The following TMEM233 variants were observed in gnomAD, a reference collection of about 807,000 sequenced individuals.
The protein encoded by TMEM233 is dispanin subfamily B member 2.
In TMEM233, 6 loss-of-function variants were observed where a neutral mutation model predicts 11.2. That is an observed-to-expected ratio of 0.54 (90% confidence interval 0.29 to 1.06). The LOEUF (loss-of-function observed/expected upper bound fraction) is 1.06, where lower values mean the gene tolerates loss of function less well. TMEM233 is among the 50% of genes least tolerant of loss of function. The pLI, the probability that TMEM233 is intolerant of heterozygous loss-of-function variation, is 0.08. For missense variants in TMEM233, 127 were observed against 144.7 expected (o/e 0.88, Z 0.63); for synonymous variants, 59 against 55.8 (o/e 1.06, Z -0.26).
rs1032889199 is a variant in TMEM233, at chr12:119,593,858, T to C, written c.10T>C (p.Tyr4His). Residue 4 changes from tyrosine (Y) to histidine (H), a missense_variant, in exon 1 of 3, where the codon TAC (tyrosine) becomes CAC (histidine). Tyr to His is a moderately conservative substitution (Grantham distance 83). Coordinates refer to ENST00000426426, the MANE Select transcript of TMEM233 (RefSeq NM_001136534.3). The surrounding 1 kb of genome is among the most constrained non-coding windows in gnomAD (Gnocchi z 4.1). MSQ[Y>H]APSPDFKRAL... ...GCCGCCGGCCTCGCCCATGTCTCAGTACGCCCCTAGCCCGGACTTCAAGAG... is the reference window on the plus strand; with the variant it reads ...GCCGCCGGCCTCGCCCATGTCTCAGCACGCCCCTAGCCCGGACTTCAAGAG... 97 of 1,551,402 alleles carry C rather than the reference T, an allele frequency of 6.3e-5. No homozygotes were observed. The highest frequency in any genetic ancestry group is 1.7e-4 in the Middle Eastern group (1 of 6,010).
intron 2 of TMEM233, among the ~76,000 whole-genome samples, chr12:119,632,390 C>T (rs938652742): frequency 2.6e-5 from 4 of 152,146 alleles, no homozygotes; most frequent in East Asian, 1.9e-4. Flanking sequence ...TCTGCACTGC[C>T]GCTAAGTCAA....
rs1954010329 is a variant in TMEM233 at position 119,595,070 on chromosome 12, T to G, written c.186+1036T>G. The stretch of plus-strand genomic sequence containing the variant: ...GGCCGCTGGGGCCTCTAGTCCGCCC[T>G]TCCGGAGCTCAGCTCCCTAGCCCTC... On this transcript the variant is annotated intron_variant, in intron 1 of 2. Transcript: ENST00000426426. The surrounding 1 kb of genome is among the most constrained non-coding windows in gnomAD (Gnocchi z 4.3). 6.6e-6 allele frequency among the ~76,000 whole-genome samples: 1 copy of G among 152,206 alleles called. No homozygotes were observed. The highest frequency in any genetic ancestry group is 2.4e-5 in the African/African-American group (1 of 41,468).
At chr12:119,643,231 C>T (rs1955109842), downstream of TMEM233, among the ~76,000 whole-genome samples, 1 of 151,898 alleles carries the variant, frequency 6.6e-6, no homozygotes, top group Non-Finnish European at 1.5e-5. Context: ...TAATTTATGG[C>T]CAGAAATGTC....
At chr12:119,610,280 T>G (rs1442329118) in intron 1 of TMEM233, among the ~76,000 whole-genome samples, 1 of 152,234 alleles carries the variant, frequency 6.6e-6, no homozygotes, top group Non-Finnish European at 1.5e-5. Context: ...GTGACTTACT[T>G]GCTTTTGATT....
At chr12:119,628,492 C>CTTTTTTTTTTTTTTT (rs60789807) in intron 1 of TMEM233, among the ~76,000 whole-genome samples, 1 of 52,412 alleles carries the variant, frequency 1.9e-5, no homozygotes, top group African/African-American at 8.5e-5. Context: ...CCAGCTCACT[C>CTTTTTTTTTTTTTTT]TTTTTTTTTT....
At chr12:119,630,332 A>G (rs906668445) in intron 2 of TMEM233, among the ~76,000 whole-genome samples, 2 of 152,220 alleles carry the variant, frequency 1.3e-5, no homozygotes, top group Non-Finnish European at 2.9e-5. Context: ...TCTCTCCTCC[A>G]CACAGTCATG....
Position 119,641,517 on chromosome 12 carries a change from C to T in TMEM233, c.*812C>T, listed in dbSNP as rs1361754463. 2 of 151,508 alleles carry T rather than the reference C, an allele frequency of 1.3e-5. No homozygotes were observed. The highest frequency in any genetic ancestry group is 6.6e-5 in the Admixed American group (1 of 15,216). 9.4% of individuals were successfully genotyped at this position (151,508 alleles called of 1,614,324 possible). A position where few individuals can be genotyped will look rare whatever the true frequency, so the allele number is the denominator to read the frequency against. On this transcript the variant is annotated 3_prime_UTR_variant, in exon 3 of 3. Transcript: ENST00000426426. The stretch of plus-strand genomic sequence containing the variant: ...GCTTTTTTTTTTTCAATTTCTCACT[C>T]TCTCTCCTATCTCTAGCAAGTCTCA...
intron 1 of TMEM233, among the ~76,000 whole-genome samples, chr12:119,624,519 GAC>G (rs1209972332): frequency 2.6e-5 from 4 of 152,094 alleles, no homozygotes; most frequent in Non-Finnish European, 5.9e-5. Context: ...AAAAAATTCT[GAC>G]ACATACTATA....
chr12:119,607,007 T>C (rs1032980367), intron 1 of TMEM233, among the ~76,000 whole-genome samples: 2 of 152,180 alleles, frequency 1.3e-5, no homozygotes, highest in African/African-American at 4.8e-5. Flanking sequence ...AATACAAAAT[T>C]GTCTGTGCAA....
intron 1 of TMEM233, among the ~76,000 whole-genome samples, chr12:119,606,952 T>C (rs905912593): frequency 6.6e-6 from 1 of 152,216 alleles, no homozygotes; most frequent in Non-Finnish European, 1.5e-5. Context: ...ATTTTTATGA[T>C]ACAGGGAAAG....
intron 1 of TMEM233, among the ~76,000 whole-genome samples, chr12:119,597,031 G>A (rs1398769734): frequency 6.6e-6 from 1 of 152,192 alleles, no homozygotes; most frequent in Non-Finnish European, 1.5e-5. Context: ...CACCCTTCCT[G>A]TTGCACTGGA....
downstream of TMEM233, among the ~76,000 whole-genome samples, chr12:119,646,850 T>G (rs1286236082): frequency 6.6e-6 from 1 of 152,250 alleles, no homozygotes; most frequent in Non-Finnish European, 1.5e-5. Context: ...CTTTACCATG[T>G]AACCCAACAT....
intron 2 of TMEM233, 36 bp from the exon 3 acceptor site, chr12:119,640,663 G>C: frequency 6.5e-7 from 1 of 1,548,590 alleles, no homozygotes; most frequent in Non-Finnish European, 8.7e-7. Flanking sequence ...CTCAGCCCAC[G>C]GTCTTTCTCT....
chr12:119,626,544 GA>G (rs1394760732), intron 1 of TMEM233, among the ~76,000 whole-genome samples: 65 of 42,968 alleles, frequency 1.5e-3, no homozygotes, highest in East Asian at 8.1e-3. Context: ...GAAGGGAGAA[GA>G]GAAGAGAAGA....
At chr12:119,632,780 A>T (rs1954910614) in intron 2 of TMEM233, among the ~76,000 whole-genome samples, 1 of 152,192 alleles carries the variant, frequency 6.6e-6, no homozygotes, top group Non-Finnish European at 1.5e-5. Flanking sequence ...TTGACAACCA[A>T]TTCACATTAC....
rs550991855 is a variant in TMEM233, at chr12:119,640,610, T to A, written c.324-89T>A. ...ATGTGTTTAACCAGAGTCATCATCA[T>A]CAAATAAGGAAGGCATCGAGCTGGG... On this transcript the variant is annotated intron_variant, in intron 2 of 2. Transcript: ENST00000426426. 301 of 1,421,060 alleles carry A rather than the reference T, an allele frequency of 2.1e-4. 1 individual carries two copies. The South Asian group carries it at 2.7e-3, about 13-fold the overall frequency. The allele number at this position is 1,421,060 out of a possible 1,614,324, so 88.0% of individuals were successfully genotyped here.
chr12:119,645,074 C>G (rs1169779079), downstream of TMEM233, among the ~76,000 whole-genome samples: 1 of 152,156 alleles, frequency 6.6e-6, no homozygotes, highest in Non-Finnish European at 1.5e-5. Context: ...CCCTGTCCTA[C>G]CATTCTTCGC....
chr12:119,650,936 C>T, the TMEM233 span, among the ~76,000 whole-genome samples: 1 of 152,230 alleles, frequency 6.6e-6, no homozygotes, highest in Admixed American at 6.5e-5. Flanking sequence ...AGCCACTGCT[C>T]CCGGCCTGCT....
intron 1 of TMEM233, among the ~76,000 whole-genome samples, chr12:119,605,672 A>AC (rs1356893078): frequency 2.7e-5 from 4 of 150,388 alleles, no homozygotes; most frequent in African/African-American, 9.8e-5. Flanking sequence ...CAAGGGATCT[A>AC]CCCCCCTCAG....
Sources: allele counts gnomAD v4.1 joint callset (sites outside exome capture counted in the v4.1 genomes callset), GRCh38; gene constraint gnomAD v4.1.1; non-coding constraint Gnocchi (gnomAD v3.1); transcripts MANE v1.5; gene names NCBI Gene and HGNC (gene_info 2026-07-23, HGNC 2026-07-21).